GSG1L: variants seen among roughly 807,000 people sequenced by gnomAD.
GSG1L encodes the protein GSG1 like, also known as germ cell-specific gene 1-like protein.
In GSG1L, 24 loss-of-function variants were observed where a neutral mutation model predicts 42.1. That is an observed-to-expected ratio of 0.57 (90% CI 0.41 to 0.80). The LOEUF (loss-of-function observed/expected upper bound fraction) is 0.80. GSG1L is among the 30% of genes least tolerant of loss of function. The probability of loss-of-function intolerance (pLI) is 0.00; values close to 1 mark genes in which losing one functional copy is unlikely to be tolerated. For missense variants in GSG1L, 445 were observed against 472.2 expected (o/e 0.94, Z 0.53); for synonymous variants, 215 against 203.5 (o/e 1.06, Z -0.48).
intron 3 of GSG1L, among the ~76,000 whole-genome samples, chr16:27,869,519 C>T (rs866430219): frequency 2.0e-5 from 3 of 147,554 alleles, no homozygotes; most frequent in African/African-American, 7.7e-5. Flanking sequence ...CTGTCTCCAT[C>T]CATCTCTCTC....
chr16:27,830,791 T>C (rs2083266827), intron 4 of GSG1L, among the ~76,000 whole-genome samples: 1 of 152,236 alleles, frequency 6.6e-6, no homozygotes, highest in Non-Finnish European at 1.5e-5. Context: ...GATGTCTCTT[T>C]ATACTAGCAT....
At chr16:27,908,626 C>A (rs765308823) in intron 2 of GSG1L, among the ~76,000 whole-genome samples, 1 of 152,168 alleles carries the variant, frequency 6.6e-6, no homozygotes, top group Admixed American at 6.5e-5. Context: ...CTTCTTCCTG[C>A]GTCCTTGCAT....
At chr16:27,918,838 T>G (rs1327234469) in intron 2 of GSG1L, among the ~76,000 whole-genome samples, 2 of 152,148 alleles carry the variant, frequency 1.3e-5, no homozygotes, top group African/African-American at 4.8e-5. Flanking sequence ...CTGATACATC[T>G]GATGTAAAGT....
intron 6 of GSG1L, among the ~76,000 whole-genome samples, chr16:27,800,383 G>A (rs1383164346): frequency 2.6e-5 from 4 of 152,164 alleles, no homozygotes; most frequent in South Asian, 2.1e-4. Context: ...CCCAGCATGC[G>A]ACAGCCTCTC....
intron 2 of GSG1L, among the ~76,000 whole-genome samples, chr16:27,914,680 T>C (rs369392113): frequency 6.6e-6 from 1 of 152,026 alleles, no homozygotes; most frequent in Non-Finnish European, 1.5e-5. Flanking sequence ...CTCACCACCA[T>C]GCCTGGATAA....
At chr16:27,853,902 A>G (rs927329673) in intron 3 of GSG1L, among the ~76,000 whole-genome samples, 7 of 152,010 alleles carry the variant, frequency 4.6e-5, no homozygotes, top group Non-Finnish European at 1.0e-4. Flanking sequence ...ACGATATCTG[A>G]CATTAATGGA....
At chr16:27,885,138 T>C (rs958028687) in intron 2 of GSG1L, among the ~76,000 whole-genome samples, 1 of 152,134 alleles carries the variant, frequency 6.6e-6, no homozygotes, top group Non-Finnish European at 1.5e-5. Flanking sequence ...TTGTTCTTTT[T>C]TGTTTGTTTG....
chr16:27,794,296 G>A (rs959500300), intron 6 of GSG1L, among the ~76,000 whole-genome samples: 77 of 151,898 alleles, frequency 5.1e-4, no homozygotes, highest in African/African-American at 1.8e-3. Context: ...GGAATTACAG[G>A]TGTGAGTCAC....
intron 2 of GSG1L, among the ~76,000 whole-genome samples, chr16:27,902,523 T>G (rs571945956): frequency 6.6e-6 from 1 of 151,002 alleles, no homozygotes; most frequent in African/African-American, 2.4e-5. Flanking sequence ...GTGCCGATGA[T>G]GAGACGGGAG....
At chr16:27,936,477 T>G (rs1405460314) in intron 2 of GSG1L, among the ~76,000 whole-genome samples, 1 of 152,162 alleles carries the variant, frequency 6.6e-6, no homozygotes, top group Non-Finnish European at 1.5e-5. Flanking sequence ...GCCTCCTCTC[T>G]TGCATGTGAC....
intron 2 of GSG1L, among the ~76,000 whole-genome samples, chr16:27,946,640 AAAG>A (rs2084872421): frequency 3.8e-4 from 2 of 5,308 alleles, no homozygotes; most frequent in Non-Finnish European, 6.5e-4. Context: ...AGAAAGAAAG[AAAG>A]AAAGAAAGAA....
Position 27,789,601 on chromosome 16 carries a change from A to G in GSG1L, c.*1769T>C, listed in dbSNP as rs1461680264. Reference sequence around the variant, plus strand: ...TAAGGGATGAATGGATGATGGATAGATGGAGGAATGGATAATGGATAAATA... The same window carrying G: ...TAAGGGATGAATGGATGATGGATAGGTGGAGGAATGGATAATGGATAAATA... On this transcript the variant is annotated 3_prime_UTR_variant, in exon 7 of 7. Coordinates refer to ENST00000447459, the MANE Select transcript of GSG1L (RefSeq NM_001109763.2). 3.9e-5 allele frequency: 6 copies of G among 152,126 alleles called. No individual in the cohort carries two copies. The highest frequency in any genetic ancestry group is 5.9e-5 in the Non-Finnish European group (4 of 67,998). The allele number at this position is 152,126 out of a possible 1,614,324, so 9.4% of individuals were successfully genotyped here. A position where few individuals can be genotyped will look rare whatever the true frequency, so the allele number is the denominator to read the frequency against.
intron 4 of GSG1L, among the ~76,000 whole-genome samples, chr16:27,840,548 C>A (rs1372574589): frequency 6.6e-6 from 1 of 152,174 alleles, no homozygotes; most frequent in African/African-American, 2.4e-5. Flanking sequence ...ACTCACCGAG[C>A]AAACTCTGTG....
At chr16:28,016,364 G>A (rs1357283993) in intron 1 of GSG1L, among the ~76,000 whole-genome samples, 1 of 152,232 alleles carries the variant, frequency 6.6e-6, no homozygotes, top group Admixed American at 6.5e-5. Context: ...ACATCTCTGA[G>A]GAGGAAGCAG....
intron 1 of GSG1L, among the ~76,000 whole-genome samples, chr16:28,012,174 A>G (rs1596699876): frequency 1.3e-5 from 2 of 152,208 alleles, no homozygotes; most frequent in South Asian, 4.2e-4. Flanking sequence ...TGAGCCCCCA[A>G]GGTCACTGCT....
intron 2 of GSG1L, among the ~76,000 whole-genome samples, chr16:27,916,882 C>CA (rs5816452): frequency 3.3e-5 from 5 of 150,774 alleles, no homozygotes; most frequent in Non-Finnish European, 5.9e-5. Flanking sequence ...TCACTCAATG[C>CA]AAAAAAAAAA....
chr16:27,818,498 A>G (rs1221943067), intron 5 of GSG1L, among the ~76,000 whole-genome samples: 3 of 152,156 alleles, frequency 2.0e-5, no homozygotes, highest in Non-Finnish European at 4.4e-5. Context: ...AAGGACCCCA[A>G]CACTGGGTGA....
chr16:28,037,594 G>A (rs1217477841), intron 1 of GSG1L, among the ~76,000 whole-genome samples: 1 of 152,104 alleles, frequency 6.6e-6, no homozygotes, highest in African/African-American at 2.4e-5. Flanking sequence ...GTCATGCTCT[G>A]GTTTGGGGAA....
At chr16:27,962,612 A>G (rs1292541823) in intron 2 of GSG1L, among the ~76,000 whole-genome samples, 1 of 152,196 alleles carries the variant, frequency 6.6e-6, no homozygotes, top group East Asian at 1.9e-4. Context: ...CCCTGACTCA[A>G]GCTGTGCCCT....
Sources: gnomAD v4.1 joint callset for allele counts (sites outside exome capture counted in the v4.1 genomes callset) on GRCh38, gnomAD v4.1.1 for gene constraint, MANE v1.5 for transcripts, NCBI Gene and HGNC (gene_info 2026-07-23, HGNC 2026-07-21) for gene names.